The following GAD1 variants were observed in gnomAD, a reference collection of about 807,000 sequenced individuals.
GAD1 encodes glutamate decarboxylase 1.
GAD1 carries 35 observed loss-of-function variants against 75.2 expected under a neutral mutation model. That is an observed-to-expected ratio of 0.47 (90% confidence interval 0.36 to 0.62). GAD1 has a LOEUF of 0.62. Ranked by LOEUF, GAD1 falls within the 20% of genes least tolerant of loss-of-function variation. GAD1 has a pLI of 0.00. For synonymous variants in GAD1, 257 were observed against 271.9 expected (o/e 0.95, Z 0.54); for missense variants, 490 against 758.5 (o/e 0.65, Z 4.16).
Position 170,847,926 on chromosome 2 carries a change from C to A in GAD1, c.1119+134C>A, listed in dbSNP as rs549488421. 3.4e-4 allele frequency: 257 copies of A among 754,330 alleles called. 6 individuals carry two copies. The Admixed American group carries it at 4.4e-3, about 13-fold the overall frequency. 46.7% of individuals were successfully genotyped at this position (754,330 alleles called of 1,614,324 possible). On this transcript the variant is annotated intron_variant, in intron 11 of 16. Coordinates refer to ENST00000358196, the MANE Select transcript of GAD1 (RefSeq NM_000817.3). ...ACATTAGTTCCAGTTCTTGTCTGGACCCTAGCCAGCCATTCACAACTGGTA... is the reference window on the plus strand; with the variant it reads ...ACATTAGTTCCAGTTCTTGTCTGGAACCTAGCCAGCCATTCACAACTGGTA...
chr2:170,842,471 G>A lies in GAD1; in HGVS notation c.639-1574G>A. 3.6e-6 allele frequency: 4 copies of A among 1,096,970 alleles called. No homozygotes were observed. In the South Asian group the frequency reaches 5.0e-5, roughly 14 times the overall value. 68.0% of individuals were successfully genotyped at this position (1,096,970 alleles called of 1,614,324 possible). On this transcript the variant is annotated intron_variant, in intron 6 of 16. Transcript: ENST00000358196. ...CAGTGGAACCATTAATAACACATTT[G>A]TTCAAGAATGGTTAAAAGCCCATCA...
In GAD1 at chr2:170,818,577, G is replaced by A; in HGVS notation, c.-15G>A. The A allele has an allele frequency of 1.2e-6, 2 of 1,613,730 alleles. No individual in the cohort carries two copies. The highest frequency in any genetic ancestry group is 1.7e-6 in the Non-Finnish European group (2 of 1,179,698). On this transcript the variant is annotated 5_prime_UTR_variant, in exon 2 of 17. Transcript: ENST00000358196. This position sits in a 1 kb window ranked among gnomAD's most constrained non-coding sequence, Gnocchi z 5.9. ...GAGGACTCTGGACAGTAGAGGCCCC[G>A]GGACGACCGAGCTGATGGCGTCTTC...
intron 6 of GAD1, among the ~76,000 whole-genome samples, chr2:170,841,195 A>T (rs13033900): frequency 0.34 from 51,583 of 152,180 alleles, 10,579 homozygotes; most frequent in Non-Finnish European, 0.46. Context: ...GCATCTAACC[A>T]GCTTCTTCTG....
chr2:170,820,562 G>A (rs780705855), intron 2 of GAD1, among the ~76,000 whole-genome samples: 4 of 152,324 alleles, frequency 2.6e-5, no homozygotes, highest in Admixed American at 6.5e-5. Flanking sequence ...CTGGGAGGTG[G>A]CGTTAGTGCA....
At chr2:170,847,484 A>C (rs543218113) in intron 10 of GAD1, among the ~76,000 whole-genome samples, 192 bp from the exon 11 acceptor site, 18 of 152,378 alleles carry the variant, frequency 1.2e-4, no homozygotes, top group African/African-American at 4.3e-4. Context: ...AGGCAATCAA[A>C]AAATGTTTGT....
At chr2:170,833,867 G>A (rs1702302145) in intron 5 of GAD1, among the ~76,000 whole-genome samples, 1 of 152,168 alleles carries the variant, frequency 6.6e-6, no homozygotes, top group Admixed American at 6.6e-5. Context: ...GAGCGTGGTA[G>A]TGTGCACCTG....
At chr2:170,829,160 G>A (rs1431721619) in intron 3 of GAD1, 1 of 413,780 alleles carries the variant, frequency 2.4e-6, no homozygotes, top group Non-Finnish European at 4.5e-6. Flanking sequence ...CCTATCCTGG[G>A]GCTGGTCACT....
At chr2:170,849,078 A>G in intron 11 of GAD1, 1 of 635,964 alleles carries the variant, frequency 1.6e-6, no homozygotes, top group South Asian at 1.7e-5. Context: ...TTGTGCAGCT[A>G]AAGTCCAGAG....
rs535281001 is a variant in GAD1 at position 170,823,172 on chromosome 2, T to G, written c.145+1023T>G. On this transcript the variant is annotated intron_variant, in intron 3 of 16. Coordinates refer to ENST00000358196, the MANE Select transcript of GAD1 (RefSeq NM_000817.3). Reference sequence around the variant, plus strand: ...CGGGGGAAGATTAACGGGCGGCTTATTAAAGAGCCATCCGTCAGCTCCTGC... The same window carrying G: ...CGGGGGAAGATTAACGGGCGGCTTAGTAAAGAGCCATCCGTCAGCTCCTGC... 4.6e-5 allele frequency among the ~76,000 whole-genome samples: 7 copies of G among 152,244 alleles called. No individual in the cohort carries two copies. The South Asian group carries it at 1.2e-3, about 27-fold the overall frequency.
intron 12 of GAD1, among the ~76,000 whole-genome samples, chr2:170,851,908 A>T (rs774826152): frequency 2.0e-5 from 3 of 152,198 alleles, no homozygotes; most frequent in African/African-American, 7.2e-5. Flanking sequence ...TAATTCTGCT[A>T]GGTAGTCAGA....
At chr2:170,859,624 AG>A (rs1702918949) in intron 16 of GAD1, 84 bp from the exon 17 acceptor site, 1 of 1,338,738 alleles carries the variant, frequency 7.5e-7, no homozygotes, top group Admixed American at 1.8e-5. Flanking sequence ...AAACACAAAT[AG>A]TAAAATGCAA....
At chr2:170,845,868 T>C in intron 9 of GAD1, 83 bp downstream of exon 9, 2 of 1,477,364 alleles carry the variant, frequency 1.4e-6, no homozygotes, top group South Asian at 2.3e-5. Flanking sequence ...GCTTAAGGAC[T>C]GGCTCAGTAC....
chr2:170,835,311 C>CT (rs1298718891), intron 5 of GAD1, among the ~76,000 whole-genome samples: 1 of 152,000 alleles, frequency 6.6e-6, no homozygotes, highest in Non-Finnish European at 1.5e-5. Context: ...TCCAACTCTT[C>CT]TTTTTTTTCT....
intron 6 of GAD1, among the ~76,000 whole-genome samples, chr2:170,837,901 AAATT>A (rs1702415195): frequency 1.3e-5 from 2 of 152,222 alleles, no homozygotes; most frequent in African/African-American, 4.8e-5. Context: ...GATAGAACGT[AAATT>A]ACTGAAGTTT....
At position 170,822,109 on chromosome 2, in the gene GAD1, G is replaced by A. The variant is rs759874356; in HGVS notation, c.105G>A (p.Val35=). ...TAGCGTACGATACCTGGTGCGGCGT[G>A]GCCCATGGATGCACCAGAAAACTGG... ...RPTTYDTWCG[V]AHGCTRKLGL... is the part of the protein sequence containing the mutation. Residue 35 remains valine, a synonymous_variant, in exon 3 of 17, where the codon GTG becomes GTA. Transcript: ENST00000358196. 26 of 1,611,772 alleles carry A rather than the reference G, an allele frequency of 1.6e-5. 1 individual carries two copies. The South Asian group carries it at 2.7e-4, about 16-fold the overall frequency.
intron 3 of GAD1, among the ~76,000 whole-genome samples, chr2:170,824,494 C>T (rs977452196): frequency 2.0e-5 from 3 of 152,056 alleles, no homozygotes; most frequent in Non-Finnish European, 4.4e-5. Context: ...TTGGTTTACC[C>T]TTTCACATTA....
chr2:170,816,452 G>T (rs1242605318), upstream of GAD1: 1 of 152,184 alleles, frequency 6.6e-6, no homozygotes, highest in African/African-American at 2.4e-5. Context: ...GGAACCCCGG[G>T]GAAAAGCACT....
intron 2 of GAD1, among the ~76,000 whole-genome samples, chr2:170,820,527 C>A (rs1701846224): frequency 6.6e-6 from 1 of 152,208 alleles, no homozygotes; most frequent in African/African-American, 2.4e-5. Flanking sequence ...CAGCTGGCTC[C>A]ACTTCTTTGC....
At chr2:170,843,749 C>G (rs1459532976) in intron 6 of GAD1, 2 of 326,270 alleles carry the variant, frequency 6.1e-6, no homozygotes, top group Non-Finnish European at 1.1e-5. Flanking sequence ...CATTTTCTTT[C>G]CTTCTATTCC....
Sources: allele counts gnomAD v4.1 joint callset (sites outside exome capture counted in the v4.1 genomes callset), GRCh38; gene constraint gnomAD v4.1.1; non-coding constraint Gnocchi (gnomAD v3.1); transcripts MANE v1.5; gene names NCBI Gene and HGNC (gene_info 2026-07-23, HGNC 2026-07-21).